Variants in ANKH observed in about 807,000 individuals in gnomAD.
ANKH encodes ANKH inorganic pyrophosphate transport regulator, also known as mineralization regulator ANKH.
ANKH carries 15 observed loss-of-function variants against 49.0 expected under a neutral mutation model. The observed-to-expected ratio is 0.31, with a 90% CI of 0.20 to 0.47. ANKH has a LOEUF of 0.47. Ranked by LOEUF, ANKH falls within the 20% of genes least tolerant of loss-of-function variation. The probability of loss-of-function intolerance (pLI) is 1.00; values close to 1 mark genes in which losing one functional copy is unlikely to be tolerated. For missense variants in ANKH, 429 were observed against 652.0 expected, an observed-to-expected ratio of 0.66 and a Z score of 3.72; for synonymous variants, 273 against 260.0, an observed-to-expected ratio of 1.05 and a Z score of -0.48.
Position 14,741,915 on chromosome 5 carries a change from G to T in ANKH, c.923C>A (p.Pro308His). ...GCTCGTGCTCACCAGTTTGTTGCTG[G>T]GGTTATTCTGGGGAAAGAAAACCAC... The part of the protein sequence containing the change: ...AVYPAFDKNN[P>H]SNKLVSTSNT... Residue 308 changes from proline (P) to histidine (H), a missense_variant, in exon 8 of 12, where the codon CCC (proline) becomes CAC (histidine). Physicochemically the swap from Pro to His is moderately conservative, Grantham distance 77. This residue lies in a region of ANKH where 378 missense variants were observed against 615.3 expected (regional missense o/e 0.61). Transcript: ENST00000284268. 1 of 1,613,966 alleles carries T rather than the reference G, an allele frequency of 6.2e-7. No homozygotes were observed.
chr5:14,756,043 C>G (rs180870217), intron 3 of ANKH, 99 bp from the exon 4 acceptor site: 24 of 1,031,556 alleles, frequency 2.3e-5, no homozygotes, highest in Middle Eastern at 2.0e-4. Context: ...ACACTTTATA[C>G]CCCCTCAAAG....
At chr5:14,734,739 C>T (rs1280450067) in intron 8 of ANKH, among the ~76,000 whole-genome samples, 1 of 152,228 alleles carries the variant, frequency 6.6e-6, no homozygotes, top group Non-Finnish European at 1.5e-5. Flanking sequence ...CAAACTCATT[C>T]AGGTGGTGGG....
chr5:14,783,394 G>A (rs1484433012), intron 1 of ANKH, among the ~76,000 whole-genome samples: 1 of 151,694 alleles, frequency 6.6e-6, no homozygotes, highest in Non-Finnish European at 1.5e-5. Context: ...ATTGTGACAA[G>A]GCTGTCTTCA....
chr5:14,837,564 C>A (rs1741690959), intron 1 of ANKH, among the ~76,000 whole-genome samples: 1 of 152,140 alleles, frequency 6.6e-6, no homozygotes, highest in African/African-American at 2.4e-5. Flanking sequence ...CAAATCAAAA[C>A]CACAATGAGA....
intron 1 of ANKH, among the ~76,000 whole-genome samples, chr5:14,821,004 G>A (rs1158932010): frequency 1.3e-5 from 2 of 151,974 alleles, no homozygotes; most frequent in African/African-American, 4.8e-5. Context: ...GGGCTCAGGT[G>A]GGAGGATTGC....
At chr5:14,774,924 A>C (rs1739564392) in intron 1 of ANKH, among the ~76,000 whole-genome samples, 1 of 150,066 alleles carries the variant, frequency 6.7e-6, no homozygotes, top group Non-Finnish European at 1.5e-5. Flanking sequence ...ACTGAAGACA[A>C]AAAAAAAATA....
intron 1 of ANKH, among the ~76,000 whole-genome samples, chr5:14,792,455 A>C (rs1240922475): frequency 6.6e-6 from 1 of 152,116 alleles, no homozygotes; most frequent in East Asian, 1.9e-4. Flanking sequence ...TTTGGATGTG[A>C]GAACTAAGAT....
intron 1 of ANKH, among the ~76,000 whole-genome samples, chr5:14,801,856 C>G (rs1740574653): frequency 1.3e-5 from 2 of 152,198 alleles, no homozygotes; most frequent in South Asian, 4.1e-4. Flanking sequence ...TAGAACATTA[C>G]AACCAACAAT....
At chr5:14,829,184 C>CAAAAAAAAAAAAAAA (rs56223225) in intron 1 of ANKH, among the ~76,000 whole-genome samples, 1 of 106,022 alleles carries the variant, frequency 9.4e-6, no homozygotes, top group Non-Finnish European at 2.0e-5. Flanking sequence ...GACTCTGTCT[C>CAAAAAAAAAAAAAAA]AAAAAAAAAA....
intron 1 of ANKH, among the ~76,000 whole-genome samples, chr5:14,809,335 T>TAAAAAAA (rs36119317): frequency 1.2e-3 from 94 of 80,714 alleles, no homozygotes; most frequent in Non-Finnish European, 1.4e-3. Context: ...TAGAGTATAA[T>TAAAAAAA]AAAAAAAAAA....
Position 14,712,952 on chromosome 5 carries a change from G to T in ANKH, c.1287C>A (p.Gly429=), listed in dbSNP as rs751152024. ...PYLGVHGATL[G]VGSLLAGFVG... is the part of the protein sequence containing the mutation. ...CAAAGCCCGCCAGGAGGGAGCCCAC[G>T]CCCAGGGTCGCACCGTGCACCCTGC... Residue 429 remains glycine, a synonymous_variant, in exon 11 of 12, where the codon GGC becomes GGA. Coordinates refer to ENST00000284268, the MANE Select transcript of ANKH (RefSeq NM_054027.6). 9.9e-6 allele frequency: 16 copies of T among 1,613,088 alleles called. No individual in the cohort carries two copies. Among genetic ancestry groups the T allele is most frequent in the Non-Finnish European group, 1.4e-5 (16 of 1,179,778 alleles).
At chr5:14,741,693 G>C in intron 8 of ANKH, 134 bp downstream of exon 8, 1 of 717,008 alleles carries the variant, frequency 1.4e-6, no homozygotes, top group East Asian at 2.7e-5. Flanking sequence ...AGAAGAAAGT[G>C]TATTGAAGAG....
intron 8 of ANKH, among the ~76,000 whole-genome samples, chr5:14,732,316 T>C (rs966806087): frequency 6.6e-6 from 1 of 151,956 alleles, no homozygotes; most frequent in African/African-American, 2.4e-5. Context: ...CTAAAGAGCT[T>C]CCCCGAGGAG....
rs1038213198 is a variant in ANKH, at chr5:14,806,300, C to A, written c.97-37109G>T. Among the ~76,000 whole-genome samples the A allele has an allele frequency of 4.2e-5, 6 of 144,084 alleles. No individual in the cohort carries two copies. In the Middle Eastern group the frequency reaches 0.01, roughly 252 times the overall value. The allele number at this position is 144,084 out of a possible 152,430, so 94.5% of individuals were successfully genotyped here. A position where few individuals can be genotyped will look rare whatever the true frequency, so the allele number is the denominator to read the frequency against. ...CCCAAAAAAACTCGAAACATCTCAA[C>A]ATAAAACACATTTGGGTGGGTAAAA... On this transcript the variant is annotated intron_variant, in intron 1 of 11. Coordinates refer to ENST00000284268, the MANE Select transcript of ANKH (RefSeq NM_054027.6).
At chr5:14,832,473 C>T (rs1741532715) in intron 1 of ANKH, among the ~76,000 whole-genome samples, 1 of 152,178 alleles carries the variant, frequency 6.6e-6, no homozygotes, top group Non-Finnish European at 1.5e-5. Flanking sequence ...ATTGCTAGTT[C>T]ATGGTCCTAA....
At chr5:14,850,762 G>A (rs1031040891) in intron 1 of ANKH, among the ~76,000 whole-genome samples, 1 of 152,182 alleles carries the variant, frequency 6.6e-6, no homozygotes, top group African/African-American at 2.4e-5. Flanking sequence ...TTGGAAGCAG[G>A]AAAAATCTTT....
At chr5:14,846,702 AC>A (rs1379424210) in intron 1 of ANKH, among the ~76,000 whole-genome samples, 1 of 152,150 alleles carries the variant, frequency 6.6e-6, no homozygotes, top group Non-Finnish European at 1.5e-5. Flanking sequence ...TTAAGAATGA[AC>A]CTCAAGGGCC....
intron 1 of ANKH, among the ~76,000 whole-genome samples, chr5:14,854,164 A>T (rs1742194304): frequency 6.6e-6 from 1 of 152,270 alleles, no homozygotes; most frequent in Non-Finnish European, 1.5e-5. Context: ...AATGAATATC[A>T]TAGCATTTGC....
Position 14,711,136 on chromosome 5 carries a change from A to AGAT in ANKH, c.*58_*60dup. On this transcript the variant is annotated 3_prime_UTR_variant, in exon 12 of 12. Coordinates refer to ENST00000284268, the MANE Select transcript of ANKH (RefSeq NM_054027.6). The stretch of plus-strand genomic sequence containing the variant: ...AACAAAATACGATGGGAGAGGGAAG[A>AGAT]GATGATGCCGAAGTGTCATCCTGAC... The AGAT allele has an allele frequency of 7.5e-7, 1 of 1,332,330 alleles. No homozygotes were observed. Among genetic ancestry groups the AGAT allele is most frequent in the Non-Finnish European group, 1.1e-6 (1 of 923,236 alleles). 82.5% of individuals were successfully genotyped at this position (1,332,330 alleles called of 1,614,324 possible).
Sources: gnomAD v4.1 joint callset for allele counts (sites outside exome capture counted in the v4.1 genomes callset) on GRCh38, gnomAD v4.1.1 for gene constraint, gnomAD v4.1.1 regional missense constraint, MANE v1.5 for transcripts, NCBI Gene and HGNC (gene_info 2026-07-23, HGNC 2026-07-21) for gene names.